The following CHSY3 variants were observed in gnomAD, a reference collection of about 807,000 sequenced individuals.
The protein encoded by CHSY3 is chondroitin sulfate synthase 3.
A neutral mutation model predicts 67.2 loss-of-function variants in CHSY3; 35 were observed. The observed-to-expected ratio is 0.52, with a 90% CI of 0.40 to 0.69. The LOEUF (loss-of-function observed/expected upper bound fraction) is 0.69, where lower values mean the gene tolerates loss of function less well. Among genes scored for constraint, CHSY3 ranks in the 30% least tolerant of loss-of-function variants. The pLI is 0.00. For synonymous variants in CHSY3, 474 were observed against 434.7 expected, an observed-to-expected ratio of 1.09 and a Z score of -1.12; for missense variants, 1,069 against 1,138.5, an observed-to-expected ratio of 0.94 and a Z score of 0.88.
intron 2 of CHSY3, among the ~76,000 whole-genome samples, chr5:130,094,218 G>C (rs1010988552): frequency 2.6e-5 from 4 of 152,066 alleles, no homozygotes; most frequent in African/African-American, 7.2e-5. Context: ...TGAATAGATG[G>C]TGCTGAACTA....
At chr5:130,059,014 A>G (rs1765625383) in intron 2 of CHSY3, among the ~76,000 whole-genome samples, 1 of 152,118 alleles carries the variant, frequency 6.6e-6, no homozygotes, top group Admixed American at 6.5e-5. Flanking sequence ...CAACTTGTCT[A>G]TGGTGTTCAG....
intron 2 of CHSY3, among the ~76,000 whole-genome samples, chr5:130,130,036 T>C (rs1310078061): frequency 6.6e-6 from 1 of 152,170 alleles, no homozygotes; most frequent in African/African-American, 2.4e-5. Flanking sequence ...GAAAATTTGA[T>C]AGGGAACTAG....
chr5:129,916,406 T>G (rs903983054), intron 2 of CHSY3, among the ~76,000 whole-genome samples: 1 of 152,170 alleles, frequency 6.6e-6, no homozygotes, highest in African/African-American at 2.4e-5. Context: ...TCTAAACAGC[T>G]TGGGTTAGAA....
intron 2 of CHSY3, among the ~76,000 whole-genome samples, chr5:130,090,920 T>A (rs1045618933): frequency 6.6e-6 from 1 of 152,178 alleles, no homozygotes; most frequent in Non-Finnish European, 1.5e-5. Context: ...AAGAATATGC[T>A]ATTTAAAGCA....
chr5:130,126,734 T>A (rs974504449), intron 2 of CHSY3, among the ~76,000 whole-genome samples: 1 of 152,252 alleles, frequency 6.6e-6, no homozygotes, highest in Non-Finnish European at 1.5e-5. Context: ...TCACATAATT[T>A]AGTGGTAGCA....
intron 2 of CHSY3, among the ~76,000 whole-genome samples, chr5:129,969,212 C>G (rs899788061): frequency 4.0e-5 from 6 of 151,828 alleles, no homozygotes; most frequent in African/African-American, 1.4e-4. Flanking sequence ...TACACCTAGA[C>G]ACACACACAT....
chr5:129,955,031 GC>G (rs1345224785), intron 2 of CHSY3, among the ~76,000 whole-genome samples: 2 of 151,974 alleles, frequency 1.3e-5, no homozygotes, highest in African/African-American at 2.4e-5. Flanking sequence ...ACAATACTCT[GC>G]TAATTTTTGT....
Position 130,059,266 on chromosome 5 carries a change from G to T in CHSY3, c.1087-124963G>T, listed in dbSNP as rs72795754. 6.4e-3 allele frequency among the ~76,000 whole-genome samples: 968 copies of T among 152,146 alleles called. 7 individuals are homozygous for T. The highest frequency in any genetic ancestry group is 0.011 in the Non-Finnish European group (729 of 68,002). ...CCTGACCTATAAATGTCAGACTTAG[G>T]ACTGCAACATCAACTTTTACCTGAA... On this transcript the variant is annotated intron_variant, in intron 2 of 2. Transcript: ENST00000305031.
intron 2 of CHSY3, among the ~76,000 whole-genome samples, chr5:130,096,850 G>A (rs373557527): frequency 1.3e-5 from 2 of 152,190 alleles, no homozygotes; most frequent in African/African-American, 4.8e-5. Flanking sequence ...TCTGGAAGGA[G>A]TAGGAGCCCG....
chr5:130,000,273 C>T (rs993068802), intron 2 of CHSY3, among the ~76,000 whole-genome samples: 4 of 152,108 alleles, frequency 2.6e-5, no homozygotes, highest in Non-Finnish European at 4.4e-5. Context: ...AAAGGCTGCA[C>T]TATAAAAATA....
chr5:130,023,236 GA>G (rs752624197), intron 2 of CHSY3, among the ~76,000 whole-genome samples: 2 of 151,336 alleles, frequency 1.3e-5, no homozygotes, highest in African/African-American at 4.8e-5. Context: ...CTACAGGAAG[GA>G]AAAAAAAGAG....
chr5:130,087,766 C>A (rs1396412171), intron 2 of CHSY3, among the ~76,000 whole-genome samples: 1 of 151,736 alleles, frequency 6.6e-6, no homozygotes, highest in Non-Finnish European at 1.5e-5. Context: ...TAGGAAAAAT[C>A]AATATCATGA....
In CHSY3 at chr5:130,069,765, T is replaced by A. The variant is rs965986405; in HGVS notation, c.1087-114464T>A. On this transcript the variant is annotated intron_variant, in intron 2 of 2. Coordinates refer to ENST00000305031, the MANE Select transcript of CHSY3 (RefSeq NM_175856.5). ...TCTAGATTCATCTAATAGGTAGAAA[T>A]CTCTGATAACATGGAAAACAAAAGA... 2.0e-5 allele frequency among the ~76,000 whole-genome samples: 3 copies of A among 152,048 alleles called. 1 individual carries two copies. Among genetic ancestry groups the A allele is most frequent in the African/African-American group, 7.2e-5 (3 of 41,440 alleles).
chr5:130,134,970 C>A (rs1033862406), intron 2 of CHSY3, among the ~76,000 whole-genome samples: 1 of 151,838 alleles, frequency 6.6e-6, no homozygotes, highest in Non-Finnish European at 1.5e-5. Flanking sequence ...ATTTGTGAAT[C>A]TTATCTTTCG....
chr5:130,089,300 C>T (rs1479416176), intron 2 of CHSY3, among the ~76,000 whole-genome samples: 1 of 150,996 alleles, frequency 6.6e-6, no homozygotes, highest in Non-Finnish European at 1.5e-5. Context: ...TGCAGCACAC[C>T]AGCATGGCAC....
intron 2 of CHSY3, among the ~76,000 whole-genome samples, chr5:130,174,948 C>T (rs957369435): frequency 3.3e-5 from 5 of 152,066 alleles, no homozygotes; most frequent in Admixed American, 6.6e-5. Flanking sequence ...ATGAGACATA[C>T]ATGGAAAAGA....
At chr5:129,934,310 ACT>A (rs1761420863) in intron 2 of CHSY3, among the ~76,000 whole-genome samples, 1 of 151,654 alleles carries the variant, frequency 6.6e-6, no homozygotes, top group Non-Finnish European at 1.5e-5. Flanking sequence ...ACTACCTTGA[ACT>A]CTCCTATATT....
At chr5:129,924,291 C>T (rs1250132659) in intron 2 of CHSY3, among the ~76,000 whole-genome samples, 3 of 152,072 alleles carry the variant, frequency 2.0e-5, no homozygotes, top group Non-Finnish European at 2.9e-5. Context: ...CCTCCTCTGC[C>T]CTCAATTTTT....
At chr5:129,919,204 G>A (rs868807107) in intron 2 of CHSY3, among the ~76,000 whole-genome samples, 2 of 150,748 alleles carry the variant, frequency 1.3e-5, no homozygotes, top group African/African-American at 4.9e-5. Context: ...ACACATTGAA[G>A]GTCTTATTTA....
Sources: allele counts gnomAD v4.1 joint callset (sites outside exome capture counted in the v4.1 genomes callset), GRCh38; gene constraint gnomAD v4.1.1; transcripts MANE v1.5; gene names NCBI Gene and HGNC (gene_info 2026-07-23, HGNC 2026-07-21).